Variants in CLIP3 observed in about 807,000 individuals in gnomAD.
CLIP3 encodes CAP-Gly domain-containing linker protein 3.
CLIP3 carries 15 observed loss-of-function variants against 59.4 expected under a neutral mutation model. The ratio of observed to expected loss-of-function variants is 0.25; its 90% CI spans 0.17 to 0.39. CLIP3 has a LOEUF of 0.39. Among genes scored for constraint, CLIP3 ranks in the 10% least tolerant of loss-of-function variants. CLIP3 has a pLI of 1.00. For synonymous variants in CLIP3, 300 were observed against 321.6 expected (o/e 0.93, Z 0.72); for missense variants, 495 against 765.7 (o/e 0.65, Z 4.17).
intron 6 of CLIP3, among the ~76,000 whole-genome samples, chr19:36,025,604 A>AC (rs1969082471): frequency 6.6e-6 from 1 of 151,418 alleles, no homozygotes; most frequent in Non-Finnish European, 1.5e-5. Flanking sequence ...AAAAAAAAAA[A>AC]AAAATTAGAG....
Position 36,014,686 on chromosome 19 carries a change from G to T in CLIP3, c.*1472C>A. ...GCCATAGAAACGTCTTTATTGAAGA[G>T]GACAGGAGTCATGCTGAGTTTGGGG... On this transcript the variant is annotated 3_prime_UTR_variant, in exon 14 of 14. Transcript: ENST00000360535. 4.4e-6 allele frequency: 1 copy of T among 224,980 alleles called. No individual in the cohort carries two copies. The highest frequency in any genetic ancestry group is 5.0e-5 in the South Asian group (1 of 19,868). The allele number at this position is 224,980 out of a possible 1,614,324, so 13.9% of individuals were successfully genotyped here.
In CLIP3 at chr19:36,017,898, C is replaced by A; in HGVS notation, c.1277G>T (p.Gly426Val). The A allele has an allele frequency of 5.6e-6, 9 of 1,614,116 alleles. No individual in the cohort carries two copies. Among genetic ancestry groups the A allele is most frequent in the Non-Finnish European group, 7.6e-6 (9 of 1,179,986 alleles). The change falls in exon 10 of 14, where the codon GGC becomes GTC. Residue 426 changes from glycine (G) to valine (V), a missense_variant. By Grantham distance (109) the Gly-to-Val change is moderately radical. Around this residue, in one of 5 missense-constraint regions of CLIP3, gnomAD observed 179 missense variants for 226.2 expected, o/e 0.79. Transcript: ENST00000360535. ...AEVGDQVLVA[G>V]QKQGIVRFYG... ...GAAGCGCACGATCCCCTGCTTCTGG[C>A]CCGCGACAAGGACCTGGTCTCCAAC... is the stretch of plus-strand genomic sequence containing the variant.
chr19:36,016,340 G>A lies in CLIP3; in HGVS notation c.1590-128C>T, dbSNP rs183089835. The A allele has an allele frequency of 1.1e-3, 1,198 of 1,078,596 alleles. 3 individuals are homozygous for A. Among genetic ancestry groups the A allele is most frequent in the Non-Finnish European group, 1.5e-3 (1,047 of 718,734 alleles). The allele number at this position is 1,078,596 out of a possible 1,614,324, so 66.8% of individuals were successfully genotyped here. A position where few individuals can be genotyped will look rare whatever the true frequency, so the allele number is the denominator to read the frequency against. ...GGATTCTGCCTCTACCTCTCTGGCTGTGGTTTGTTTGTTTGTTTGTTTTCT... is the reference window on the plus strand; with the variant it reads ...GGATTCTGCCTCTACCTCTCTGGCTATGGTTTGTTTGTTTGTTTGTTTTCT... On this transcript the variant is annotated intron_variant, in intron 13 of 13. Transcript: ENST00000360535. The surrounding 1 kb of genome is among the most constrained non-coding windows in gnomAD (Gnocchi z 4.1).
intron 2 of CLIP3, among the ~76,000 whole-genome samples, chr19:36,029,504 C>T (rs975478370): frequency 3.3e-5 from 5 of 150,482 alleles, no homozygotes; most frequent in Non-Finnish European, 7.4e-5. Context: ...AGGCTGGTCT[C>T]GAACTCCTGG....
Position 36,019,163 on chromosome 19 carries a change from G to A in CLIP3, c.1054+8C>T, listed in dbSNP as rs183443586. On this transcript the variant is annotated splice_region_variant and intron_variant, in intron 8 of 13. Transcript: ENST00000360535. ...CCACACCCCTCTTGGGCCCGAGGTC[G>A]GACTAACCCTGCTTGGGAGGGCAGA... The A allele has an allele frequency of 2.6e-5, 42 of 1,613,876 alleles. No individual in the cohort carries two copies. Among genetic ancestry groups the A allele is most frequent in the South Asian group, 6.6e-5 (6 of 91,086 alleles).
Position 36,026,953 on chromosome 19 carries a change from G to C in CLIP3, c.399C>G (p.Val133=). 6.5e-7 allele frequency: 1 copy of C among 1,539,112 alleles called. No individual in the cohort carries two copies. Among genetic ancestry groups the C allele is most frequent in the Non-Finnish European group, 8.7e-7 (1 of 1,145,446 alleles). ...GACTTGGGGGTAGGGGGCCCTCACC[G>C]ACTCCGTGGGCCCCAGCTTTGCACG... is the stretch of plus-strand genomic sequence containing the variant. ...HYACKAGAHG[V]GDPAAAVRLS... The change falls in exon 4 of 14, where the codon GTC becomes GTG. Residue 133 remains valine, a splice_region_variant and synonymous_variant. Transcript: ENST00000360535. The surrounding 1 kb of genome is among the most constrained non-coding windows in gnomAD (Gnocchi z 6.3).
chr19:36,019,598 A>ATTTATTT (rs1568540451), intron 7 of CLIP3, among the ~76,000 whole-genome samples: 63 of 99,380 alleles, frequency 6.3e-4, no homozygotes, highest in African/African-American at 1.4e-3. Context: ...TTATTTATTT[A>ATTTATTT]TTTTATTTAT....
At chr19:36,018,475 G>A (rs865805069) in intron 9 of CLIP3, among the ~76,000 whole-genome samples, 49 of 152,070 alleles carry the variant, frequency 3.2e-4, no homozygotes, top group African/African-American at 1.2e-3. Flanking sequence ...CCAGCTACTC[G>A]GGAGGCTGAG....
chr19:36,018,350 G>A (rs922171735), intron 9 of CLIP3, among the ~76,000 whole-genome samples: 2 of 152,050 alleles, frequency 1.3e-5, no homozygotes, highest in African/African-American at 2.4e-5. Flanking sequence ...AGGCCGAGGC[G>A]GGCAGATCAC....
rs984912475 is a variant in CLIP3, at chr19:36,026,359, C to T, written c.563-94G>A. 2 of 1,266,174 alleles carry T rather than the reference C, an allele frequency of 1.6e-6. No homozygotes were observed. The highest frequency in any genetic ancestry group is 2.7e-4 in the Middle Eastern group (1 of 3,730). 78.4% of individuals were successfully genotyped at this position (1,266,174 alleles called of 1,614,324 possible). A position where few individuals can be genotyped will look rare whatever the true frequency, so the allele number is the denominator to read the frequency against. On this transcript the variant is annotated intron_variant, in intron 5 of 13. Transcript: ENST00000360535. This position sits in a 1 kb window ranked among gnomAD's most constrained non-coding sequence, Gnocchi z 6.3. ...GGCTCATCTCTTAACTTGCAGGTCC[C>T]AGAGCCTCCGACGCAGAGCCCCGCC...
rs764621455 is a variant in CLIP3 at position 36,017,798 on chromosome 19, G to A, written c.1328-20C>T. On this transcript the variant is annotated intron_variant, in intron 10 of 13. Transcript: ENST00000360535. The stretch of plus-strand genomic sequence containing the variant: ...AGTAACCTGCAGCACGAGGGTGTCA[G>A]GATTTCTCAAGGCCCTGCCTGCCTC... 3.1e-6 allele frequency: 5 copies of A among 1,614,034 alleles called. No individual in the cohort carries two copies. The Admixed American group carries it at 8.3e-5, about 27-fold the overall frequency.
At chr19:36,029,387 A>T (rs1014081154) in intron 2 of CLIP3, among the ~76,000 whole-genome samples, 1 of 151,234 alleles carries the variant, frequency 6.6e-6, no homozygotes, top group Non-Finnish European at 1.5e-5. Flanking sequence ...CCTGGGTTCA[A>T]GTGATCCTCC....
intron 6 of CLIP3, among the ~76,000 whole-genome samples, chr19:36,025,357 G>A (rs944918607): frequency 1.1e-4 from 16 of 151,734 alleles, no homozygotes; most frequent in Admixed American, 2.0e-4. Flanking sequence ...TTGTGAGGCC[G>A]AGGTGGGCAG....
In CLIP3 at chr19:36,024,549, G is replaced by C. The variant is rs1969043447; in HGVS notation, c.765C>G (p.Ala255=). The change falls in exon 7 of 14, where the codon GCC becomes GCG. Residue 255 remains alanine, a synonymous_variant. Transcript: ENST00000360535. ...SLDKAEAALV[A]KELRTLLEEA... is the part of the protein sequence containing the mutation. ...CTTCCAGAAGCGTCCGCAGCTCCTT[G>C]GCCACCAGTGCCGCCTCTGCCTTGT... is the stretch of plus-strand genomic sequence containing the variant. 6.2e-7 allele frequency: 1 copy of C among 1,614,234 alleles called. No homozygotes were observed. Among genetic ancestry groups the C allele is most frequent in the Admixed American group, 1.7e-5 (1 of 60,030 alleles).
In CLIP3 at chr19:36,014,921, GAGAT is replaced by G. The variant is rs1339453467; in HGVS notation, c.*1233_*1236del. 2.0e-5 allele frequency: 3 copies of G among 152,330 alleles called. No individual in the cohort carries two copies. Among genetic ancestry groups the G allele is most frequent in the African/African-American group, 7.2e-5 (3 of 41,450 alleles). The allele number at this position is 152,330 out of a possible 1,614,324, so 9.4% of individuals were successfully genotyped here. ...GGGCCTTGGGGCCTTCCATTTATTA[GAGAT>G]GGAGGCTTTAGGATTTGGGGTTCCC... On this transcript the variant is annotated 3_prime_UTR_variant, in exon 14 of 14. Transcript: ENST00000360535.
chr19:36,017,255 T>G (rs1968821829), intron 12 of CLIP3, 131 bp downstream of exon 12: 1 of 950,672 alleles, frequency 1.1e-6, no homozygotes, highest in African/African-American at 1.6e-5. Flanking sequence ...GGACCTTGTC[T>G]CATCATTTTC....
intron 9 of CLIP3, among the ~76,000 whole-genome samples, chr19:36,018,618 A>C (rs536988436): frequency 6.6e-6 from 1 of 152,128 alleles, no homozygotes; most frequent in Non-Finnish European, 1.5e-5. Flanking sequence ...TCAAATGACA[A>C]AAGACAGGAT....
Position 36,026,012 on chromosome 19 carries a change from G to T in CLIP3, c.681+135C>A, listed in dbSNP as rs1969095239. On this transcript the variant is annotated intron_variant, in intron 6 of 13. Transcript: ENST00000360535. This position sits in a 1 kb window ranked among gnomAD's most constrained non-coding sequence, Gnocchi z 6.3. ...AATGAACACTAGGCATATTTCAGCTGTTATTGCATTTGCTGAATGTACAGA... is the reference window on the plus strand; with the variant it reads ...AATGAACACTAGGCATATTTCAGCTTTTATTGCATTTGCTGAATGTACAGA... 5 of 660,882 alleles carry T rather than the reference G, an allele frequency of 7.6e-6. No homozygotes were observed. In the South Asian group the frequency reaches 8.8e-5, roughly 12 times the overall value. The allele number at this position is 660,882 out of a possible 1,614,324, so 40.9% of individuals were successfully genotyped here. A position where few individuals can be genotyped will look rare whatever the true frequency, so the allele number is the denominator to read the frequency against.
chr19:36,026,880 G>C lies in CLIP3; in HGVS notation c.400+72C>G. 1 of 1,524,622 alleles carries C rather than the reference G, an allele frequency of 6.6e-7. No individual in the cohort carries two copies. The highest frequency in any genetic ancestry group is 8.8e-7 in the Non-Finnish European group (1 of 1,138,246). The allele number at this position is 1,524,622 out of a possible 1,614,324, so 94.4% of individuals were successfully genotyped here. On this transcript the variant is annotated intron_variant, in intron 4 of 13. Coordinates refer to ENST00000360535, the MANE Select transcript of CLIP3 (RefSeq NM_015526.3). This position sits in a 1 kb window ranked among gnomAD's most constrained non-coding sequence, Gnocchi z 6.3. ...GGTTCCAGATGGGGCCTGAGTTCTG[G>C]GTGGTTTTCAGCGTGTTGGGTCTGG...
Sources: gnomAD v4.1 joint callset for allele counts (sites outside exome capture counted in the v4.1 genomes callset) on GRCh38, gnomAD v4.1.1 for gene constraint, gnomAD v4.1.1 regional missense constraint, Gnocchi (gnomAD v3.1) non-coding constraint, MANE v1.5 for transcripts, NCBI Gene and HGNC (gene_info 2026-07-23, HGNC 2026-07-21) for gene names.